RSPH6A: variants seen among roughly 807,000 people sequenced by gnomAD.
RSPH6A encodes radial spoke head 6 homolog A.
A neutral mutation model predicts 66.1 loss-of-function variants in RSPH6A; 49 were observed. The observed-to-expected ratio is 0.74, with a 90% CI of 0.59 to 0.94. The LOEUF (loss-of-function observed/expected upper bound fraction) is 0.94, where lower values mean the gene tolerates loss of function less well. Ranked by LOEUF, RSPH6A falls within the 40% of genes least tolerant of loss-of-function variation. RSPH6A has a pLI of 0.00. For synonymous variants in RSPH6A, 419 were observed against 402.4 expected, an observed-to-expected ratio of 1.04 and a Z score of -0.49; for missense variants, 977 against 948.3, an observed-to-expected ratio of 1.03 and a Z score of -0.40.
chr19:45,814,561 G>A lies in RSPH6A; in HGVS notation c.616C>T (p.Leu206=), dbSNP rs760915949. 1 of 1,531,184 alleles carries A rather than the reference G, an allele frequency of 6.5e-7. No homozygotes were observed. Among genetic ancestry groups the A allele is most frequent in the South Asian group, 1.3e-5 (1 of 77,142 alleles). 94.8% of individuals were successfully genotyped at this position (1,531,184 alleles called of 1,614,324 possible). A position where few individuals can be genotyped will look rare whatever the true frequency, so the allele number is the denominator to read the frequency against. ...ELAVQNAKAY[L]LQTSINCDLS... ...TCGCAATTGATGCTGGTCTGCAGCA[G>A]GTAGGCCTTGGCGTTCTGCACGGCC... The change falls in exon 1 of 6, where the codon CTG becomes TTG. Residue 206 remains leucine (L), a synonymous_variant. Transcript: ENST00000221538.
At position 45,804,810 on chromosome 19, in the gene RSPH6A, G is replaced by T. The variant is rs777003058; in HGVS notation, c.1095C>A (p.Gly365=). The change falls in exon 3 of 6, where the codon GGC becomes GGA. Residue 365 remains glycine (G), a synonymous_variant. Transcript: ENST00000221538. The surrounding 1 kb of genome is among the most constrained non-coding windows in gnomAD (Gnocchi z 5.8). ...CCTCCTCCTCCTCTGCCTCCTCCTC[G>T]CCCTCCCGGAATTCCACCTCGGCCA... ...YLVAEVEFRE[G]EEEAEEEEVE... 1.2e-6 allele frequency: 2 copies of T among 1,613,782 alleles called. No individual in the cohort carries two copies. The highest frequency in any genetic ancestry group is 1.7e-6 in the Non-Finnish European group (2 of 1,179,914).
chr19:45,805,668 GGTGATAGA>G (rs1970534701), intron 2 of RSPH6A, among the ~76,000 whole-genome samples: 1 of 150,602 alleles, frequency 6.6e-6, no homozygotes. Context: ...CTCCAGCCTG[GGTGATAGA>G]GTGAGACTCC....
intron 5 of RSPH6A, among the ~76,000 whole-genome samples, chr19:45,798,954 G>A (rs1970438340): frequency 6.6e-6 from 1 of 152,106 alleles, no homozygotes; most frequent in Non-Finnish European, 1.5e-5. Context: ...GGATGGACAA[G>A]TGGAGCCTCA....
rs768203407 is a variant in RSPH6A at position 45,802,189 on chromosome 19, C to T, written c.1729G>A (p.Asp577Asn). The T allele has an allele frequency of 7.7e-6, 12 of 1,555,040 alleles. No homozygotes were observed. The highest frequency in any genetic ancestry group is 7.2e-5 in the Admixed American group (4 of 55,448). Residue 577 changes from aspartate (D) to asparagine (N), a missense_variant, in exon 4 of 6, where the codon GAT (aspartate) becomes AAT (asparagine). Transcript: ENST00000221538. ...EDLGEEEEKA[D>N]EGPEEVEQEV... is the part of the protein sequence containing the mutation. ...TGCTCCACCTCCTCTGGCCCCTCAT[C>T]TGCCTTCTCTTCCTCCTCCCCCAGG...
intron 4 of RSPH6A, 93 bp from the exon 5 acceptor site, chr19:45,800,656 G>C: frequency 9.2e-7 from 1 of 1,090,694 alleles, no homozygotes; most frequent in East Asian, 2.5e-5. Flanking sequence ...AGCAGTGAGG[G>C]AGGCCTGGAG....
intron 2 of RSPH6A, among the ~76,000 whole-genome samples, 197 bp downstream of exon 2, chr19:45,810,406 G>A (rs1362046333): frequency 6.6e-6 from 1 of 152,084 alleles, no homozygotes; most frequent in African/African-American, 2.4e-5. Context: ...TCCTGACCTC[G>A]TGATCTGCCC....
At chr19:45,805,044 G>T (rs1970526147) in intron 2 of RSPH6A, 28 bp from the exon 3 acceptor site, 1 of 1,564,172 alleles carries the variant, frequency 6.4e-7, no homozygotes, top group Non-Finnish European at 8.7e-7. Context: ...GAGGGCAGAG[G>T]GGAGAATGCT....
intron 3 of RSPH6A, among the ~76,000 whole-genome samples, chr19:45,802,476 C>G (rs900147976): frequency 5.9e-5 from 9 of 151,918 alleles, no homozygotes; most frequent in African/African-American, 1.7e-4. Flanking sequence ...TGTGCGACCC[C>G]CATTCATGCA....
In RSPH6A at chr19:45,815,063, C is replaced by A. The variant is rs780389711; in HGVS notation, c.114G>T (p.Ala38=). 15 of 1,613,446 alleles carry A rather than the reference C, an allele frequency of 9.3e-6. No homozygotes were observed. Among genetic ancestry groups the A allele is most frequent in the Non-Finnish European group, 1.3e-5 (15 of 1,180,036 alleles). Residue 38 remains alanine, a synonymous_variant, in exon 1 of 6, where the codon GCG becomes GCT. Coordinates refer to ENST00000221538, the MANE Select transcript of RSPH6A (RefSeq NM_030785.4). ...HSRDQAQALA[A]DPEERQQIPP... The stretch of plus-strand genomic sequence containing the variant: ...GTATCTGCTGCCTCTCCTCGGGGTC[C>A]GCTGCCAGGGCCTGAGCTTGGTCCC...
rs772927895 is a variant in RSPH6A, at chr19:45,814,919, C to T, written c.258G>A (p.Glu86=). 3 of 1,614,150 alleles carry T rather than the reference C, an allele frequency of 1.9e-6. No individual in the cohort carries two copies. Among genetic ancestry groups the T allele is most frequent in the South Asian group, 1.1e-5 (1 of 91,090 alleles). ...GAAAGCCCGTGTTCACAGATGGGTA[C>T]TCCATGCCACCCAGCCGGGCTTCCT... is the stretch of plus-strand genomic sequence containing the variant. ...QAEEARLGGM[E]YPSVNTGFPS... Residue 86 remains glutamate, a synonymous_variant, in exon 1 of 6, where the codon GAG becomes GAA. Coordinates refer to ENST00000221538, the MANE Select transcript of RSPH6A (RefSeq NM_030785.4).
chr19:45,803,600 T>C (rs10422418), intron 3 of RSPH6A, among the ~76,000 whole-genome samples: 9,893 of 148,154 alleles, frequency 0.067, 422 homozygotes, highest in African/African-American at 0.12. Context: ...TCGCTTGAAC[T>C]AGGGAGGCGG....
chr19:45,810,624 T>C lies in RSPH6A; in HGVS notation c.867A>G (p.Glu289=). 1 of 1,614,050 alleles carries C rather than the reference T, an allele frequency of 6.2e-7. No homozygotes were observed. The highest frequency in any genetic ancestry group is 1.1e-5 in the South Asian group (1 of 91,074). ...FTRSGGGTEG[E]QEMEEEVGET... ...TCACCACCTCCTCCTCCATCTCCTG[T>C]TCGCCTTCAGTGCCGCCTCCACTCC... The change falls in exon 2 of 6, where the codon GAA becomes GAG. Residue 289 remains glutamate (E), a synonymous_variant. Transcript: ENST00000221538.
At chr19:45,805,638 G>A (rs897500624) in intron 2 of RSPH6A, among the ~76,000 whole-genome samples, 12 of 152,048 alleles carry the variant, frequency 7.9e-5, no homozygotes, top group Admixed American at 7.9e-4. Flanking sequence ...GTTGCAGTAA[G>A]CCAAGATCAC....
In RSPH6A at chr19:45,802,330, G is replaced by A. The variant is rs983547698; in HGVS notation, c.1654-66C>T. 17 of 1,285,648 alleles carry A rather than the reference G, an allele frequency of 1.3e-5. No homozygotes were observed. In the Admixed American group the frequency reaches 3.3e-4, roughly 25 times the overall value. 79.6% of individuals were successfully genotyped at this position (1,285,648 alleles called of 1,614,324 possible). ...GGAACCCAGCCTGCCTCCTGTGGGG[G>A]AGGTGAAGGGCCAACAGGCATAGCC... On this transcript the variant is annotated intron_variant, in intron 3 of 5. Coordinates refer to ENST00000221538, the MANE Select transcript of RSPH6A (RefSeq NM_030785.4).
chr19:45,815,030 G>T lies in RSPH6A; in HGVS notation c.147C>A (p.Asp49Glu). The T allele has an allele frequency of 1.9e-6, 3 of 1,613,702 alleles. No individual in the cohort carries two copies. Among genetic ancestry groups the T allele is most frequent in the Non-Finnish European group, 2.5e-6 (3 of 1,180,040 alleles). Reference protein sequence around the residue: ...DPEERQQIPPDAQRNAPGWSQ... With the variant: ...DPEERQQIPPEAQRNAPGWSQ... ...ACCAACCAGGGGCGTTTCGCTGGGC[G>T]TCTGGAGGTATCTGCTGCCTCTCCT... The change falls in exon 1 of 6, where the codon GAC becomes GAA. Residue 49 changes from aspartate (D) to glutamate (E), a missense_variant. Physicochemically the swap from Asp to Glu is conservative, Grantham distance 45 (BLOSUM62 2). Transcript: ENST00000221538.
intron 5 of RSPH6A, among the ~76,000 whole-genome samples, chr19:45,796,453 G>A (rs892696933): frequency 6.6e-6 from 1 of 151,512 alleles, no homozygotes; most frequent in African/African-American, 2.4e-5. Context: ...CACCTGGCCA[G>A]CCTTGACTTT....
intron 5 of RSPH6A, among the ~76,000 whole-genome samples, chr19:45,799,469 C>T (rs1168754889): frequency 1.3e-5 from 2 of 152,226 alleles, no homozygotes; most frequent in Non-Finnish European, 2.9e-5. Context: ...TCAAGCAATC[C>T]TTCTGCCTCA....
chr19:45,808,747 C>T (rs1481386713), intron 2 of RSPH6A, among the ~76,000 whole-genome samples: 3 of 149,728 alleles, frequency 2.0e-5, no homozygotes, highest in East Asian at 2.0e-4. Flanking sequence ...CTGCAAGCTC[C>T]GCCTCCTGGG....
chr19:45,814,715 T>G lies in RSPH6A; in HGVS notation c.462A>C (p.Thr154=), dbSNP rs1429299774. ...NPLGQFNLYQ[T]DQFSEGAQHG... ...GCTGGGCACCTTCAGAGAACTGGTC[T>G]GTCTGGTAGAGGTTGAACTGGCCCA... is the stretch of plus-strand genomic sequence containing the variant. The change falls in exon 1 of 6, where the codon ACA becomes ACC. Residue 154 remains threonine, a synonymous_variant. Coordinates refer to ENST00000221538, the MANE Select transcript of RSPH6A (RefSeq NM_030785.4). The G allele has an allele frequency of 3.1e-6, 5 of 1,613,258 alleles. No individual in the cohort carries two copies. Among genetic ancestry groups the G allele is most frequent in the Non-Finnish European group, 4.2e-6 (5 of 1,179,630 alleles).
Sources: allele counts gnomAD v4.1 joint callset (sites outside exome capture counted in the v4.1 genomes callset), GRCh38; gene constraint gnomAD v4.1.1; non-coding constraint Gnocchi (gnomAD v3.1); transcripts MANE v1.5; gene names NCBI Gene and HGNC (gene_info 2026-07-23, HGNC 2026-07-21).